Variants in PLD1 observed in about 807,000 individuals in gnomAD.
PLD1 encodes the protein choline phosphatase 1.
In PLD1, 112 loss-of-function variants were observed where a neutral mutation model predicts 137.1. That is an observed-to-expected ratio of 0.82 (90% CI 0.70 to 0.96). The LOEUF (loss-of-function observed/expected upper bound fraction) is 0.96, where lower values mean the gene tolerates loss of function less well. PLD1 is among the 40% of genes least tolerant of loss of function. PLD1 has a pLI of 0.00. For synonymous variants in PLD1, 431 were observed against 454.7 expected (o/e 0.95, Z 0.66); for missense variants, 1,321 against 1,342.0 (o/e 0.98, Z 0.24).
intron 1 of PLD1, among the ~76,000 whole-genome samples, chr3:171,802,623 CA>C (rs1421530229): frequency 6.6e-6 from 1 of 152,148 alleles, no homozygotes; most frequent in East Asian, 1.9e-4. Context: ...AGGTGAGAAA[CA>C]AGTTGATCAA....
At chr3:171,768,560 G>C (rs753720997) in intron 1 of PLD1, among the ~76,000 whole-genome samples, 1 of 152,196 alleles carries the variant, frequency 6.6e-6, no homozygotes, top group Non-Finnish European at 1.5e-5. Context: ...ATCTACCAAG[G>C]TTCGACGGTC....
chr3:171,752,281 A>G (rs958162991), intron 1 of PLD1, among the ~76,000 whole-genome samples: 2 of 152,268 alleles, frequency 1.3e-5, no homozygotes, highest in African/African-American at 4.8e-5. Context: ...TGAGGAAATG[A>G]TACACAATAA....
chr3:171,642,457 CAAAAA>C (rs1230947984), intron 23 of PLD1, among the ~76,000 whole-genome samples: 1 of 33,028 alleles, frequency 3.0e-5, no homozygotes, highest in Non-Finnish European at 6.1e-5. Context: ...AACCCAGTCT[CAAAAA>C]AAAAAAAAAA....
At chr3:171,643,977 C>G (rs938541591) in intron 22 of PLD1, among the ~76,000 whole-genome samples, 1 of 151,986 alleles carries the variant, frequency 6.6e-6, no homozygotes, top group Admixed American at 6.6e-5. Flanking sequence ...ATGGTGCACT[C>G]GAACTGTGCA....
chr3:171,719,105 C>G (rs1717902503), intron 8 of PLD1, among the ~76,000 whole-genome samples: 1 of 152,152 alleles, frequency 6.6e-6, no homozygotes, highest in African/African-American at 2.4e-5. Flanking sequence ...TCTTTGGGCT[C>G]TATCGTTGCT....
At chr3:171,806,667 T>C (rs1046781941) in intron 1 of PLD1, among the ~76,000 whole-genome samples, 2 of 152,236 alleles carry the variant, frequency 1.3e-5, no homozygotes, top group Non-Finnish European at 2.9e-5. Context: ...CAATCTTTAG[T>C]AAACATCTGG....
chr3:171,610,942 T>G (rs144472606), intron 25 of PLD1, among the ~76,000 whole-genome samples: 22 of 152,330 alleles, frequency 1.4e-4, no homozygotes, highest in African/African-American at 4.6e-4. Context: ...CTGAGGCTTA[T>G]GTTGGTCTTG....
At chr3:171,795,730 C>T (rs1029365602) in intron 1 of PLD1, among the ~76,000 whole-genome samples, 7 of 152,170 alleles carry the variant, frequency 4.6e-5, no homozygotes, top group African/African-American at 1.7e-4. Flanking sequence ...CATGCTATTC[C>T]CTCTGCTTAG....
At chr3:171,626,223 G>A (rs560100234) in intron 23 of PLD1, among the ~76,000 whole-genome samples, 6 of 152,172 alleles carry the variant, frequency 3.9e-5, no homozygotes, top group Non-Finnish European at 7.3e-5. Context: ...CTCAAGAGCC[G>A]ATGCGATCAA....
intron 1 of PLD1, among the ~76,000 whole-genome samples, chr3:171,780,421 C>T (rs4464488): frequency 0.44 from 66,625 of 151,910 alleles, 15,106 homozygotes; most frequent in Middle Eastern, 0.65. Flanking sequence ...TAGCTTTAAG[C>T]AACATATTTT....
At chr3:171,792,053 T>A (rs1239724573) in intron 1 of PLD1, 1 of 152,734 alleles carries the variant, frequency 6.5e-6, no homozygotes, top group Non-Finnish European at 1.5e-5. Context: ...ACCTGTAGAC[T>A]GTGTCTCCTC....
chr3:171,717,995 T>TA (rs1717802423), intron 8 of PLD1, among the ~76,000 whole-genome samples: 1 of 152,268 alleles, frequency 6.6e-6, no homozygotes, highest in African/African-American at 2.4e-5. Context: ...AGGTAGTTTT[T>TA]ATCTTTAGTT....
chr3:171,758,325 T>C (rs578084929), intron 1 of PLD1, among the ~76,000 whole-genome samples: 1 of 152,328 alleles, frequency 6.6e-6, no homozygotes, highest in South Asian at 2.1e-4. Context: ...TCTTAATCAA[T>C]GTGCACTGCC....
intron 16 of PLD1, among the ~76,000 whole-genome samples, chr3:171,681,862 G>C (rs544149570): frequency 9.9e-5 from 15 of 152,124 alleles, no homozygotes; most frequent in African/African-American, 3.6e-4. Flanking sequence ...CCCTTGTGAC[G>C]AGACATTCAA....
At chr3:171,737,429 C>A in intron 3 of PLD1, 103 bp downstream of exon 3, 1 of 1,043,736 alleles carries the variant, frequency 9.6e-7, no homozygotes, top group Non-Finnish European at 1.3e-6. Context: ...CAAACAAAAA[C>A]CTACAAACAT....
At chr3:171,695,035 G>GTTTAT (rs1715552873) in intron 12 of PLD1, among the ~76,000 whole-genome samples, 1 of 152,162 alleles carries the variant, frequency 6.6e-6, no homozygotes, top group Admixed American at 6.5e-5. Context: ...CAGTTAATTA[G>GTTTAT]TGACAAGATT....
intron 23 of PLD1, among the ~76,000 whole-genome samples, chr3:171,631,816 G>A (rs1056655230): frequency 6.6e-6 from 1 of 152,040 alleles, no homozygotes; most frequent in Non-Finnish European, 1.5e-5. Context: ...TTTCCTTACA[G>A]TAGAATTCCA....
At chr3:171,611,104 T>C (rs1732615254) in intron 25 of PLD1, among the ~76,000 whole-genome samples, 1 of 152,190 alleles carries the variant, frequency 6.6e-6, no homozygotes, top group Non-Finnish European at 1.5e-5. Context: ...GCAGTGCCCT[T>C]CCCGAAAGGG....
intron 1 of PLD1, among the ~76,000 whole-genome samples, chr3:171,806,060 A>G (rs1394311741): frequency 2.0e-5 from 3 of 152,228 alleles, no homozygotes; most frequent in Non-Finnish European, 4.4e-5. Context: ...TTAAACGGCC[A>G]TAATAAGATT....
Sources: gnomAD v4.1 joint callset for allele counts (sites outside exome capture counted in the v4.1 genomes callset) on GRCh38, gnomAD v4.1.1 for gene constraint, MANE v1.5 for transcripts, NCBI Gene and HGNC (gene_info 2026-07-23, HGNC 2026-07-21) for gene names.